The following PUDP variants were observed in gnomAD, a reference collection of about 807,000 sequenced individuals.
PUDP encodes pseudouridine 5'-phosphatase, also known as pseudouridine-5'-phosphatase.
Under a neutral mutation model 9.4 loss-of-function variants are expected in PUDP, and 8 were observed. The observed-to-expected ratio is 0.85, with a 90% CI of 0.50 to 1.53. The LOEUF is 1.53. PUDP is among the 40% of genes most tolerant of loss of function. The pLI, the probability that PUDP is intolerant of heterozygous loss-of-function variation, is 0.00. For synonymous variants in PUDP, 99 were observed against 80.7 expected, an observed-to-expected ratio of 1.23 and a Z score of -1.22; for missense variants, 188 against 189.7, an observed-to-expected ratio of 0.99 and a Z score of 0.05.
chrX:6,942,217 T>A (rs1465886514), intron 3 of PUDP, among the ~76,000 whole-genome samples: 5 of 112,440 alleles, frequency 4.4e-5, no homozygotes, highest in Non-Finnish European at 9.4e-5. Flanking sequence ...ATGTTAAAAA[T>A]TAATATTAAA....
intron 1 of PUDP, among the ~76,000 whole-genome samples, chrX:7,123,793 A>G (rs1440697826): frequency 1.8e-5 from 2 of 112,032 alleles, no homozygotes; most frequent in Non-Finnish European, 3.8e-5. Context: ...AAAACCAAAC[A>G]ATTTTAATGG....
chrX:6,873,162 C>T (rs949971869), intron 3 of PUDP, among the ~76,000 whole-genome samples: 1 of 111,435 alleles, frequency 9.0e-6, no homozygotes, highest in Non-Finnish European at 1.9e-5. Context: ...TGAATTTTAA[C>T]TTAGGGGCTC....
intron 3 of PUDP, among the ~76,000 whole-genome samples, chrX:6,872,147 G>T (rs755880258): frequency 9.9e-5 from 11 of 110,869 alleles, no homozygotes; most frequent in Non-Finnish European, 1.7e-4. Context: ...TCACCTTGGG[G>T]GTTAGGTTTC....
At chrX:7,109,149 G>A (rs1008901092) in intron 1 of PUDP, among the ~76,000 whole-genome samples, 4 of 111,968 alleles carry the variant, frequency 3.6e-5, no homozygotes, top group Non-Finnish European at 5.6e-5. Flanking sequence ...ACAGCTGAGT[G>A]GTGAAAAGCC....
At chrX:6,824,161 C>G (rs62590406) in intron 3 of PUDP, among the ~76,000 whole-genome samples, 6,321 of 111,416 alleles carry the variant, frequency 0.057, 156 homozygotes, top group South Asian at 0.075. Flanking sequence ...TGCTGCTGTT[C>G]TTGTGATAGT....
chrX:6,773,423 G>A (rs1433360973), intron 3 of PUDP, among the ~76,000 whole-genome samples: 1 of 111,687 alleles, frequency 9.0e-6, no homozygotes, highest in Non-Finnish European at 1.9e-5. Context: ...GGCTTGGTGG[G>A]CCCAGAAGAT....
At chrX:6,711,562 C>G (rs1436220456) in intron 1 of PUDP, among the ~76,000 whole-genome samples, 1 of 111,158 alleles carries the variant, frequency 9.0e-6, no homozygotes, top group Non-Finnish European at 1.9e-5. Flanking sequence ...TATGAACCAC[C>G]TTGGGGAGGA....
At chrX:6,987,608 T>C (rs1569135752) in intron 1 of PUDP, among the ~76,000 whole-genome samples, 1 of 112,270 alleles carries the variant, frequency 8.9e-6, no homozygotes, top group East Asian at 2.8e-4. Flanking sequence ...CGGCAAACTA[T>C]GCTCATGGGC....
intron 1 of PUDP, among the ~76,000 whole-genome samples, chrX:6,707,063 A>G (rs1179641148): frequency 1.8e-5 from 2 of 111,815 alleles, no homozygotes; most frequent in Non-Finnish European, 3.8e-5. Flanking sequence ...GCTTAGCATC[A>G]AGTAAAATAT....
chrX:6,990,420 T>C (rs1032413217), intron 1 of PUDP, among the ~76,000 whole-genome samples: 1 of 111,971 alleles, frequency 8.9e-6, no homozygotes, highest in Non-Finnish European at 1.9e-5. Flanking sequence ...ATTCCCAGGG[T>C]AGCCTCTAAT....
chrX:6,911,965 T>C (rs974404441), intron 3 of PUDP, among the ~76,000 whole-genome samples: 6 of 111,733 alleles, frequency 5.4e-5, no homozygotes, highest in African/African-American at 1.9e-4. Context: ...TTCTGCTTGA[T>C]CAATCATTTT....
intron 3 of PUDP, among the ~76,000 whole-genome samples, chrX:7,061,648 AT>A (rs766598486): frequency 9.5e-6 from 1 of 105,631 alleles, no homozygotes; most frequent in Non-Finnish European, 1.9e-5. Context: ...AACACACAAC[AT>A]TTCATAACTA....
At chrX:7,123,098 A>T (rs1932388447) in intron 1 of PUDP, among the ~76,000 whole-genome samples, 1 of 112,402 alleles carries the variant, frequency 8.9e-6, no homozygotes, top group Non-Finnish European at 1.9e-5. Context: ...AAGGACAAGA[A>T]TGCTGTAACA....
At chrX:6,853,805 C>A (rs1926865414) in intron 3 of PUDP, among the ~76,000 whole-genome samples, 1 of 110,840 alleles carries the variant, frequency 9.0e-6, no homozygotes, top group Non-Finnish European at 1.9e-5. Context: ...GTCTTGTTTC[C>A]CAGGCTGGAG....
At chrX:6,957,586 TA>T (rs1274773148) in intron 3 of PUDP, among the ~76,000 whole-genome samples, 1 of 111,692 alleles carries the variant, frequency 9.0e-6, no homozygotes, top group East Asian at 2.8e-4. Flanking sequence ...GGTATTCTGT[TA>T]TAACAGCACA....
chrX:7,069,498 G>T (rs1930667527), intron 3 of PUDP, among the ~76,000 whole-genome samples: 2 of 110,424 alleles, frequency 1.8e-5, no homozygotes, highest in African/African-American at 6.6e-5. Context: ...GCAGGCAGAG[G>T]GCCTCTTATT....
intron 3 of PUDP, among the ~76,000 whole-genome samples, chrX:6,853,195 A>G (rs1238874683): frequency 4.5e-5 from 5 of 111,529 alleles, no homozygotes; most frequent in Non-Finnish European, 3.8e-5. Flanking sequence ...CCCCTGTGCA[A>G]GTTCCCTTAT....
At chrX:6,937,463 C>T (rs1320489512) in intron 3 of PUDP, among the ~76,000 whole-genome samples, 25 of 104,789 alleles carry the variant, frequency 2.4e-4, no homozygotes, top group Non-Finnish European at 3.9e-4. Flanking sequence ...CTTCCTTACA[C>T]CTTATACAAA....
At chrX:6,758,341 TG>T in intron 3 of PUDP, among the ~76,000 whole-genome samples, 1 of 110,446 alleles carries the variant, frequency 9.1e-6, no homozygotes, top group Non-Finnish European at 1.9e-5. Context: ...CATGCACCTC[TG>T]GTCCCTGATA....
Sources: allele counts gnomAD v4.1 joint callset (sites outside exome capture counted in the v4.1 genomes callset), GRCh38; gene constraint gnomAD v4.1.1; transcripts MANE v1.5; gene names NCBI Gene and HGNC (gene_info 2026-07-23, HGNC 2026-07-21).